Variants in DMD observed in about 807,000 individuals in gnomAD.
DMD encodes the protein mutant dystrophin.
In DMD, 63 loss-of-function variants were observed where a neutral mutation model predicts 330.1. That is an observed-to-expected ratio of 0.19 (90% CI 0.16 to 0.24). DMD has a LOEUF of 0.24. DMD is among the 10% of genes least tolerant of loss of function. The pLI is 1.00. For missense variants in DMD, 3,344 were observed against 2,684.1 expected (o/e 1.25, Z -5.43); for synonymous variants, 1,223 against 959.8 (o/e 1.27, Z -5.07).
At position 31,173,608 on chromosome X, in the gene DMD, T is replaced by A; in HGVS notation, c.10263-4A>T. On this transcript the variant is annotated splice_polypyrimidine_tract_variant and splice_region_variant and intron_variant, in intron 71 of 78. Transcript: ENST00000357033. ...AAGCTGAGGGGACGAGGCAGGCCTATAAGGCAGAAAATGTGATTAGTCACA... is the reference window on the plus strand; with the variant it reads ...AAGCTGAGGGGACGAGGCAGGCCTAAAAGGCAGAAAATGTGATTAGTCACA... 1 of 1,208,356 alleles carries A rather than the reference T, an allele frequency of 8.3e-7. No homozygotes were observed. The highest frequency in any genetic ancestry group is 1.1e-6 in the Non-Finnish European group (1 of 893,009).
chrX:32,022,980 G>A (rs777741101), intron 44 of DMD, among the ~76,000 whole-genome samples: 48 of 109,605 alleles, frequency 4.4e-4, no homozygotes, highest in African/African-American at 1.5e-3. Context: ...TTACAGGTGC[G>A]TGCCACCACG....
chrX:31,211,484 C>A (rs916685247), intron 64 of DMD, among the ~76,000 whole-genome samples: 1 of 112,369 alleles, frequency 8.9e-6, no homozygotes, highest in Admixed American at 9.4e-5. Context: ...TTTTGTTACT[C>A]TGCTTTAGTC....
At chrX:33,104,189 T>C (rs2095265717) in intron 1 of DMD, among the ~76,000 whole-genome samples, 1 of 112,205 alleles carries the variant, frequency 8.9e-6, no homozygotes, top group South Asian at 3.7e-4. Context: ...CTAAATGAGT[T>C]AGCCCACTTA....
At chrX:31,652,377 C>T (rs1257679734) in intron 54 of DMD, among the ~76,000 whole-genome samples, 1 of 111,817 alleles carries the variant, frequency 8.9e-6, no homozygotes, top group Non-Finnish European at 1.9e-5. Context: ...TGTCTGTCTT[C>T]CAACTTCTGC....
chrX:31,381,411 C>T (rs1181532430), intron 60 of DMD, among the ~76,000 whole-genome samples: 1 of 111,452 alleles, frequency 9.0e-6, no homozygotes, highest in East Asian at 2.8e-4. Flanking sequence ...ACAAACTATG[C>T]TCAACTCACT....
At chrX:31,651,782 C>T (rs946593622) in intron 54 of DMD, among the ~76,000 whole-genome samples, 1 of 111,515 alleles carries the variant, frequency 9.0e-6, no homozygotes, top group African/African-American at 3.3e-5. Flanking sequence ...CTCCTCACCA[C>T]ATTCACCTCT....
chrX:31,492,638 A>G (rs1053168622), intron 57 of DMD, among the ~76,000 whole-genome samples: 4 of 111,839 alleles, frequency 3.6e-5, no homozygotes, highest in African/African-American at 1.3e-4. Flanking sequence ...ATGCCCATCA[A>G]TGATATACTG....
chrX:31,470,062 C>A (rs1271512593), intron 59 of DMD, among the ~76,000 whole-genome samples: 1 of 110,933 alleles, frequency 9.0e-6, no homozygotes, highest in African/African-American at 3.3e-5. Context: ...TTCTAGTTAG[C>A]AATTCCTCTA....
At chrX:32,898,824 T>C (rs951066806) in intron 2 of DMD, among the ~76,000 whole-genome samples, 1 of 111,292 alleles carries the variant, frequency 9.0e-6, no homozygotes, top group African/African-American at 3.3e-5. Context: ...CTTCACTTTA[T>C]CCTCTGGGAA....
chrX:31,609,076 T>C (rs190885567), intron 55 of DMD, among the ~76,000 whole-genome samples: 21 of 112,456 alleles, frequency 1.9e-4, no homozygotes, highest in South Asian at 1.1e-3. Context: ...GATTGTTATG[T>C]ATTTTTATTG....
At chrX:31,276,494 T>G (rs1344619416) in intron 62 of DMD, among the ~76,000 whole-genome samples, 1 of 112,002 alleles carries the variant, frequency 8.9e-6, no homozygotes, top group African/African-American at 3.2e-5. Flanking sequence ...GCTCTGTTAG[T>G]AGGAGTGCAA....
intron 50 of DMD, among the ~76,000 whole-genome samples, chrX:31,779,704 TG>T (rs2090907794): frequency 1.8e-5 from 2 of 110,439 alleles, no homozygotes; most frequent in Non-Finnish European, 3.8e-5. Context: ...TGTGTGTGTG[TG>T]TGTGTGTGTG....
At chrX:33,196,739 G>C (rs1377995088) in intron 1 of DMD, among the ~76,000 whole-genome samples, 1 of 111,142 alleles carries the variant, frequency 9.0e-6, no homozygotes, top group African/African-American at 3.3e-5. Context: ...GCTTGTGAAG[G>C]GGCATTATTT....
chrX:32,175,691 G>C (rs1466258082), intron 44 of DMD, among the ~76,000 whole-genome samples: 1 of 110,771 alleles, frequency 9.0e-6, no homozygotes, highest in African/African-American at 3.3e-5. Context: ...CCTAGCCTTT[G>C]TATCTTCCTT....
In DMD at chrX:31,182,671, A is replaced by G. The variant is rs1339753511; in HGVS notation, c.9974+67T>C. ...AACAGCAACTGGCACAGGAGATAAA[A>G]GATCAAGTCATAAAAAGGTGAAAAA... On this transcript the variant is annotated intron_variant, in intron 68 of 78. Coordinates refer to ENST00000357033, the MANE Select transcript of DMD (RefSeq NM_004006.3). 43 of 1,071,789 alleles carry G rather than the reference A, an allele frequency of 4.0e-5. No homozygotes were observed. In the East Asian group the frequency reaches 9.1e-4, roughly 23 times the overall value. The allele number at this position is 1,071,789 out of a possible 1,213,427, so 88.3% of individuals were successfully genotyped here. A position where few individuals can be genotyped will look rare whatever the true frequency, so the allele number is the denominator to read the frequency against.
chrX:31,705,991 G>A (rs904468672), intron 52 of DMD, among the ~76,000 whole-genome samples: 23 of 111,767 alleles, frequency 2.1e-4, no homozygotes, highest in Non-Finnish European at 3.8e-4. Context: ...CAAGGCAGAA[G>A]CTCTGGAGAT....
intron 15 of DMD, among the ~76,000 whole-genome samples, chrX:32,571,966 T>C (rs1455349505): frequency 8.9e-6 from 1 of 112,028 alleles, no homozygotes; most frequent in Non-Finnish European, 1.9e-5. Context: ...ATTACAAAAA[T>C]GCAAATATGA....
At chrX:32,993,099 G>T (rs2093023041) in intron 2 of DMD, among the ~76,000 whole-genome samples, 1 of 111,442 alleles carries the variant, frequency 9.0e-6, no homozygotes, top group Non-Finnish European at 1.9e-5. Flanking sequence ...ATGGAGAAAA[G>T]TTAGGAAATG....
chrX:32,356,038 A>C (rs1202956991), intron 37 of DMD, among the ~76,000 whole-genome samples: 2 of 110,933 alleles, frequency 1.8e-5, no homozygotes, highest in Non-Finnish European at 3.8e-5. Context: ...CAAAATATCA[A>C]TGTATTTGCA....
Sources: allele counts gnomAD v4.1 joint callset (sites outside exome capture counted in the v4.1 genomes callset), GRCh38; gene constraint gnomAD v4.1.1; transcripts MANE v1.5; gene names NCBI Gene and HGNC (gene_info 2026-07-23, HGNC 2026-07-21).